Variants in ARHGAP32 observed in about 807,000 individuals in gnomAD.
ARHGAP32 encodes rho GTPase-activating protein 32.
ARHGAP32 carries 51 observed loss-of-function variants against 186.5 expected under a neutral mutation model. The observed-to-expected ratio is 0.27, with a 90% CI of 0.22 to 0.35. ARHGAP32 has a LOEUF of 0.35. Ranked by LOEUF, ARHGAP32 falls within the 10% of genes least tolerant of loss-of-function variation. ARHGAP32 has a pLI of 1.00. For synonymous variants in ARHGAP32, 950 were observed against 964.3 expected (o/e 0.99, Z 0.27); for missense variants, 2,186 against 2,623.5 (o/e 0.83, Z 3.64).
intron 5 of ARHGAP32, among the ~76,000 whole-genome samples, chr11:129,102,185 A>G (rs1941918088): frequency 6.6e-6 from 1 of 152,238 alleles, no homozygotes; most frequent in African/African-American, 2.4e-5. Flanking sequence ...CTGCCTTACA[A>G]GAGCTCCTGA....
At chr11:129,178,205 G>A (rs12361944) in intron 1 of ARHGAP32, among the ~76,000 whole-genome samples, 20,139 of 151,644 alleles carry the variant, frequency 0.13, 1,475 homozygotes, top group African/African-American at 0.19. Flanking sequence ...GCTTCAAAGA[G>A]AATAAAATAC....
chr11:129,126,733 T>C (rs1032787809), intron 2 of ARHGAP32, among the ~76,000 whole-genome samples: 1 of 152,140 alleles, frequency 6.6e-6, no homozygotes, highest in African/African-American at 2.4e-5. Context: ...GAGTGAACAA[T>C]ATATTTCTAA....
chr11:129,093,780 T>A, intron 5 of ARHGAP32, 73 bp from the exon 6 acceptor site: 2 of 1,029,856 alleles, frequency 1.9e-6, no homozygotes, highest in Non-Finnish European at 1.5e-6. Context: ...TAAGCATTCA[T>A]AATACCTGGA....
At chr11:129,239,586 T>C (rs1041582833) in intron 1 of ARHGAP32, among the ~76,000 whole-genome samples, 5 of 152,142 alleles carry the variant, frequency 3.3e-5, no homozygotes, top group African/African-American at 9.7e-5. Flanking sequence ...TAAAATACAA[T>C]ACCTAGAAGC....
chr11:129,006,042 AT>A (rs1395756911), intron 11 of ARHGAP32, among the ~76,000 whole-genome samples: 1 of 152,080 alleles, frequency 6.6e-6, no homozygotes, highest in Non-Finnish European at 1.5e-5. Flanking sequence ...CAGTATTTCG[AT>A]TGCATTTCTG....
Position 129,178,479 on chromosome 11 carries a change from C to T in ARHGAP32, c.116+13604G>A, listed in dbSNP as rs550648077. Among the ~76,000 whole-genome samples the T allele has an allele frequency of 2.1e-4, 32 of 152,154 alleles. No individual in the cohort carries two copies. The East Asian group carries it at 3.5e-3, about 17-fold the overall frequency. On this transcript the variant is annotated intron_variant, in intron 1 of 22. Transcript: ENST00000682385. ...TATGGAACCAAAAAAGAGCCCACAACGCCAAGTCAATCCTAAGCCAAAAGA... is the reference window on the plus strand; with the variant it reads ...TATGGAACCAAAAAAGAGCCCACAATGCCAAGTCAATCCTAAGCCAAAAGA...
intron 5 of ARHGAP32, among the ~76,000 whole-genome samples, chr11:129,115,462 G>C (rs1356350823): frequency 6.6e-6 from 1 of 152,080 alleles, no homozygotes; most frequent in Admixed American, 6.6e-5. Flanking sequence ...TGTTTTCTCA[G>C]CTGAGTATCT....
At position 128,974,961 on chromosome 11, in the gene ARHGAP32, T is replaced by A; in HGVS notation, c.2236A>T (p.Ser746Cys). 1.9e-6 allele frequency: 3 copies of A among 1,612,418 alleles called. No homozygotes were observed. Among genetic ancestry groups the A allele is most frequent in the Non-Finnish European group, 2.5e-6 (3 of 1,179,410 alleles). Residue 746 changes from serine to cysteine, a missense_variant, in exon 21 of 23, where the codon AGT becomes TGT. This residue lies in a region of ARHGAP32 where 263 missense variants were observed against 323.5 expected (regional missense o/e 0.81). Transcript: ENST00000682385. ...TTAAAAGAGGCAGACAGTGCATCAC[T>A]GGAAGATCTGGGTCTTCTGGGTCGG... is the stretch of plus-strand genomic sequence containing the variant. The part of the protein sequence containing the change: ...LFRPRRPRSS[S>C]DALSASFNGE...
intron 15 of ARHGAP32, among the ~76,000 whole-genome samples, chr11:128,983,701 A>T (rs1247157115): frequency 2.6e-5 from 4 of 151,962 alleles, no homozygotes; most frequent in Admixed American, 2.0e-4. Flanking sequence ...AAAAAAAAGA[A>T]AACCATGTAA....
intron 1 of ARHGAP32, among the ~76,000 whole-genome samples, chr11:129,252,848 C>T (rs967195613): frequency 6.6e-6 from 1 of 152,204 alleles, no homozygotes; most frequent in Non-Finnish European, 1.5e-5. Flanking sequence ...TCAGCATGGG[C>T]TAGCTCCTTT....
rs972037611 is a variant in ARHGAP32 at position 128,968,173 on chromosome 11, CA to C, written c.*733del. 4 of 151,910 alleles carry C rather than the reference CA, an allele frequency of 2.6e-5. No individual in the cohort carries two copies. Among genetic ancestry groups the C allele is most frequent in the African/African-American group, 9.7e-5 (4 of 41,348 alleles). The allele number at this position is 151,910 out of a possible 1,614,324, so 9.4% of individuals were successfully genotyped here. On this transcript the variant is annotated 3_prime_UTR_variant, in exon 23 of 23. Transcript: ENST00000682385. ...CCTTAAGTACTAACTTTTAAAAGTC[CA>C]TTCTGTCATGATATGAGCCTGTTCA...
chr11:129,029,255 TTTTTG>T (rs1264629703), intron 11 of ARHGAP32, among the ~76,000 whole-genome samples: 2 of 152,222 alleles, frequency 1.3e-5, no homozygotes, highest in Non-Finnish European at 2.9e-5. Context: ...AGGAATTAAA[TTTTTG>T]TTTTGACAGA....
At chr11:129,209,008 A>G (rs1245557004) in intron 1 of ARHGAP32, among the ~76,000 whole-genome samples, 1 of 152,158 alleles carries the variant, frequency 6.6e-6, no homozygotes, top group Non-Finnish European at 1.5e-5. Flanking sequence ...TGAGTATGCC[A>G]CAAGAAAGAA....
At chr11:129,206,467 T>A (rs188616995) in intron 1 of ARHGAP32, among the ~76,000 whole-genome samples, 15 of 152,226 alleles carry the variant, frequency 9.9e-5, no homozygotes, top group African/African-American at 3.6e-4. Context: ...CTTGCCTGGG[T>A]CTCCTAATCT....
intron 6 of ARHGAP32, among the ~76,000 whole-genome samples, chr11:129,080,738 A>G (rs1278760111): frequency 2.6e-5 from 4 of 152,074 alleles, no homozygotes; most frequent in African/African-American, 9.7e-5. Context: ...GCAGAAGAAA[A>G]GAAATAACCA....
intron 5 of ARHGAP32, among the ~76,000 whole-genome samples, chr11:129,094,811 A>G (rs932514974): frequency 2.6e-5 from 4 of 152,158 alleles, no homozygotes; most frequent in African/African-American, 9.7e-5. Flanking sequence ...CCTGAGTTCA[A>G]ATGTGTTTAT....
chr11:128,993,803 C>T (rs909955653), intron 12 of ARHGAP32, among the ~76,000 whole-genome samples: 3 of 151,554 alleles, frequency 2.0e-5, no homozygotes, highest in African/African-American at 7.3e-5. Flanking sequence ...GAGATCCTCC[C>T]ACCTCAACCT....
intron 1 of ARHGAP32, among the ~76,000 whole-genome samples, chr11:129,246,792 A>G (rs1945104994): frequency 6.6e-6 from 1 of 152,188 alleles, no homozygotes; most frequent in Non-Finnish European, 1.5e-5. Flanking sequence ...AGGGTGATCA[A>G]TTATAACATT....
chr11:129,138,818 G>A (rs78020054), intron 2 of ARHGAP32, among the ~76,000 whole-genome samples: 6 of 152,206 alleles, frequency 3.9e-5, no homozygotes, highest in African/African-American at 9.6e-5. Context: ...ACAAAATAGC[G>A]TATTGAGAGA....
Sources: allele counts gnomAD v4.1 joint callset (sites outside exome capture counted in the v4.1 genomes callset), GRCh38; gene constraint gnomAD v4.1.1; regional missense constraint gnomAD v4.1.1; transcripts MANE v1.5; gene names NCBI Gene and HGNC (gene_info 2026-07-23, HGNC 2026-07-21).